Variants in ZNF608 observed in about 807,000 individuals in gnomAD.
The protein encoded by ZNF608 is zinc finger protein 608, also known as renal carcinoma antigen NY-REN-36.
In ZNF608, 12 loss-of-function variants were observed where a neutral mutation model predicts 109.0. The observed-to-expected ratio is 0.11, with a 90% CI of 0.07 to 0.18. The LOEUF is 0.18. Ranked by LOEUF, ZNF608 falls within the 10% of genes least tolerant of loss-of-function variation. The probability of loss-of-function intolerance (pLI) is 1.00; values close to 1 mark genes in which losing one functional copy is unlikely to be tolerated. For synonymous variants in ZNF608, 732 were observed against 717.4 expected (o/e 1.02, Z -0.33); for missense variants, 1,707 against 1,879.3 (o/e 0.91, Z 1.70).
intron 3 of ZNF608, among the ~76,000 whole-genome samples, chr5:124,668,212 A>G (rs945038603): frequency 7.0e-6 from 1 of 142,720 alleles, no homozygotes; most frequent in African/African-American, 2.6e-5. Context: ...ATATATATAT[A>G]TATATTATAT....
At chr5:124,693,497 C>G (rs913024934) in intron 3 of ZNF608, among the ~76,000 whole-genome samples, 6 of 152,046 alleles carry the variant, frequency 3.9e-5, no homozygotes, top group African/African-American at 1.4e-4. Context: ...TAATAATAAA[C>G]CTGGCTACAA....
intron 2 of ZNF608, chr5:124,710,087 T>A (rs1753427912): frequency 2.8e-6 from 1 of 358,394 alleles, no homozygotes; most frequent in Non-Finnish European, 5.5e-6. Flanking sequence ...TTAGTTGATA[T>A]TGGTCATTGA....
chr5:124,655,750 C>A lies in ZNF608; in HGVS notation c.1163-6053G>T, dbSNP rs149504902. On this transcript the variant is annotated intron_variant, in intron 3 of 9. Coordinates refer to ENST00000513986, the MANE Select transcript of ZNF608 (RefSeq NM_020747.3). ...TTCTTTGTTCAGGACTCCCTCCCCC[C>A]ATTATTATGTTGTCGTCACTCTGTG... is the stretch of plus-strand genomic sequence containing the variant. Among the ~76,000 whole-genome samples, 28 of 152,338 alleles carry A rather than the reference C, an allele frequency of 1.8e-4. No individual in the cohort carries two copies. The East Asian group carries it at 4.8e-3, about 26-fold the overall frequency.
intron 3 of ZNF608, among the ~76,000 whole-genome samples, chr5:124,690,729 TA>T (rs1181486749): frequency 6.6e-6 from 1 of 151,516 alleles, no homozygotes; most frequent in Non-Finnish European, 1.5e-5. Context: ...TGATCTGAAC[TA>T]AAGACACTAA....
chr5:124,728,393 C>T (rs1561587893), intron 2 of ZNF608, among the ~76,000 whole-genome samples: 1 of 152,120 alleles, frequency 6.6e-6, no homozygotes, highest in African/African-American at 2.4e-5. Context: ...CAAAGATCAC[C>T]TCTGCTTTGG....
At chr5:124,639,940 G>A (rs377765474) in intron 8 of ZNF608, among the ~76,000 whole-genome samples, 7 of 152,218 alleles carry the variant, frequency 4.6e-5, no homozygotes, top group Admixed American at 1.3e-4. Flanking sequence ...TCTTAAAAGA[G>A]ACAATTGTTT....
intron 2 of ZNF608, among the ~76,000 whole-genome samples, chr5:124,727,733 C>CTTT (rs1182383879): frequency 2.6e-5 from 2 of 77,870 alleles, no homozygotes; most frequent in African/African-American, 6.4e-5. Flanking sequence ...TCCAGGTATC[C>CTTT]TTTTTTTTTT....
intron 3 of ZNF608, among the ~76,000 whole-genome samples, chr5:124,671,569 T>G (rs1486945459): frequency 2.0e-5 from 3 of 152,062 alleles, no homozygotes; most frequent in Non-Finnish European, 4.4e-5. Context: ...CAAAAATATT[T>G]TATATGGAGA....
intron 3 of ZNF608, among the ~76,000 whole-genome samples, chr5:124,679,600 C>T (rs750791123): frequency 3.3e-5 from 5 of 152,216 alleles, no homozygotes; most frequent in African/African-American, 4.8e-5. Flanking sequence ...TCACCTTTTA[C>T]AGTCTCCACT....
At chr5:124,687,542 A>C (rs1580624238) in intron 3 of ZNF608, among the ~76,000 whole-genome samples, 1 of 152,316 alleles carries the variant, frequency 6.6e-6, no homozygotes, top group Non-Finnish European at 1.5e-5. Context: ...GAAATTATCA[A>C]ATGAGCAGTA....
chr5:124,738,345 A>G lies in ZNF608; in HGVS notation c.906+5739T>C, dbSNP rs574628285. Among the ~76,000 whole-genome samples, 42 of 152,322 alleles carry G rather than the reference A, an allele frequency of 2.8e-4. 1 individual carries two copies. The highest frequency in any genetic ancestry group is 9.6e-4 in the African/African-American group (40 of 41,572). On this transcript the variant is annotated intron_variant, in intron 2 of 9. Transcript: ENST00000513986. ...GTATTTCCTTAGTTCTGACTTCCATATAACACAGGAATGTAATACAAGTAA... is the reference window on the plus strand; with the variant it reads ...GTATTTCCTTAGTTCTGACTTCCATGTAACACAGGAATGTAATACAAGTAA...
Position 124,701,244 on chromosome 5 carries a change from G to T in ZNF608, c.932C>A (p.Ala311Glu). 1 of 1,614,094 alleles carries T rather than the reference G, an allele frequency of 6.2e-7. No individual in the cohort carries two copies. The highest frequency in any genetic ancestry group is 8.5e-7 in the Non-Finnish European group (1 of 1,179,998). ...EKVDPLFTVP[A>E]PPPPISSSLT... is the part of the protein sequence containing the mutation. ...ACTGCTGGAAATCGGCGGTGGTGGC[G>T]CTGGCACTGTAAACAGGGGGTCAAC... Residue 311 changes from alanine to glutamate, a missense_variant, in exon 3 of 10, where the codon GCG (alanine) becomes GAG (glutamate). Ala to Glu is a moderately radical substitution (Grantham distance 107). Around this residue, in one of 7 missense-constraint regions of ZNF608, gnomAD observed 407 missense variants for 398.7 expected, o/e 1.02. Transcript: ENST00000513986.
intron 2 of ZNF608, among the ~76,000 whole-genome samples, chr5:124,714,386 C>A (rs961962456): frequency 6.6e-6 from 1 of 152,170 alleles, no homozygotes; most frequent in Non-Finnish European, 1.5e-5. Context: ...GTCATGGATG[C>A]ACAACTAAGA....
At chr5:124,638,841 C>A in intron 9 of ZNF608, 1 of 1,132,898 alleles carries the variant, frequency 8.8e-7, no homozygotes, top group East Asian at 5.0e-5. Flanking sequence ...CATAATAAAA[C>A]AAAGGGAGTC....
intron 3 of ZNF608, among the ~76,000 whole-genome samples, chr5:124,697,503 T>C (rs1752898211): frequency 6.6e-6 from 1 of 152,222 alleles, no homozygotes; most frequent in South Asian, 2.1e-4. Flanking sequence ...TCATTGGTCC[T>C]ATGCATTTAC....
At chr5:124,746,941 G>A (rs1327703698), upstream of ZNF608, 1 of 134,456 alleles carries the variant, frequency 7.4e-6, no homozygotes, top group Non-Finnish European at 1.6e-5. Context: ...TTCGCTCGGG[G>A]CGGGGGGCGG....
intron 2 of ZNF608, among the ~76,000 whole-genome samples, chr5:124,706,029 G>A (rs1205576687): frequency 2.0e-5 from 3 of 152,232 alleles, no homozygotes; most frequent in African/African-American, 2.4e-5. Flanking sequence ...GGGCAAGACT[G>A]TGACACTGGT....
chr5:124,665,196 T>C (rs1377757573), intron 3 of ZNF608, among the ~76,000 whole-genome samples: 1 of 146,698 alleles, frequency 6.8e-6, no homozygotes, highest in South Asian at 2.2e-4. Flanking sequence ...AAAAAAAAAA[T>C]ACCATGTTCA....
intron 2 of ZNF608, among the ~76,000 whole-genome samples, chr5:124,741,795 C>A (rs1749419895): frequency 6.6e-6 from 1 of 152,134 alleles, no homozygotes; most frequent in African/African-American, 2.4e-5. Flanking sequence ...TGAAAGCATT[C>A]TTAAGAGAAG....
Sources: allele counts gnomAD v4.1 joint callset (sites outside exome capture counted in the v4.1 genomes callset), GRCh38; gene constraint gnomAD v4.1.1; regional missense constraint gnomAD v4.1.1; transcripts MANE v1.5; gene names NCBI Gene and HGNC (gene_info 2026-07-23, HGNC 2026-07-21).